The following YIPF6 variants were observed in gnomAD, a reference collection of about 807,000 sequenced individuals.
YIPF6 encodes Yip1 domain family member 6.
A neutral mutation model predicts 16.8 loss-of-function variants in YIPF6; 3 were observed. The observed-to-expected ratio is 0.18, with a 90% CI of 0.08 to 0.46. The LOEUF (loss-of-function observed/expected upper bound fraction) is 0.46. YIPF6 is among the 20% of genes least tolerant of loss of function. YIPF6 has a pLI of 0.98. For missense variants in YIPF6, 145 were observed against 184.9 expected, an observed-to-expected ratio of 0.78 and a Z score of 1.25; for synonymous variants, 67 against 61.9, an observed-to-expected ratio of 1.08 and a Z score of -0.38.
rs1189098979 is a variant in YIPF6, at chrX:68,533,209, T to C, written c.*1210T>C. 1 of 111,886 alleles carries C rather than the reference T, an allele frequency of 8.9e-6. No homozygotes were observed. The highest frequency in any genetic ancestry group is 9.5e-5 in the Admixed American group (1 of 10,500). The allele number at this position is 111,886 out of a possible 1,213,427, so 9.2% of individuals were successfully genotyped here. On this transcript the variant is annotated 3_prime_UTR_variant, in exon 7 of 7. Transcript: ENST00000462683. ...GCTAATTAGCTCCCCTTTAGATAAG[T>C]ACATGTTGCACATGTGCACCTACTT... is the stretch of plus-strand genomic sequence containing the variant.
intron 2 of YIPF6, among the ~76,000 whole-genome samples, chrX:68,512,898 TTATTTCATA>T (rs909958326): frequency 9.1e-6 from 1 of 110,306 alleles, no homozygotes; most frequent in African/African-American, 3.3e-5. Context: ...TGTTAAAAAT[TTATTTCATA>T]TATTGCAAAG....
chrX:68,502,371 A>G (rs751972561), intron 1 of YIPF6, among the ~76,000 whole-genome samples: 174 of 111,742 alleles, frequency 1.6e-3, no homozygotes, highest in African/African-American at 5.3e-3. Context: ...TTAGTGTGCT[A>G]GCAGTCATCT....
At chrX:68,521,660 A>G (rs1472430226) in intron 5 of YIPF6, among the ~76,000 whole-genome samples, 163 bp downstream of exon 5, 2 of 107,351 alleles carry the variant, frequency 1.9e-5, no homozygotes, top group East Asian at 2.9e-4. Flanking sequence ...TGCAGCCTCT[A>G]TCTCCCAGGC....
chrX:68,521,704 C>T (rs113463029), intron 5 of YIPF6, among the ~76,000 whole-genome samples: 32 of 108,908 alleles, frequency 2.9e-4, no homozygotes, highest in African/African-American at 1.1e-3. Context: ...CCTCCTGCCC[C>T]AGCATCCCGA....
intron 1 of YIPF6, among the ~76,000 whole-genome samples, chrX:68,501,404 G>A: frequency 8.9e-6 from 1 of 112,027 alleles, no homozygotes; most frequent in Non-Finnish European, 1.9e-5. Flanking sequence ...CTACATGCCA[G>A]GTATTGTGCT....
intron 4 of YIPF6, among the ~76,000 whole-genome samples, chrX:68,520,131 T>C (rs2079120296): frequency 8.9e-6 from 1 of 112,262 alleles, no homozygotes; most frequent in Admixed American, 9.5e-5. Flanking sequence ...TCTTTGCATC[T>C]GGTTGTCACG....
chrX:68,517,883 C>T (rs1355442848), intron 3 of YIPF6, among the ~76,000 whole-genome samples: 1 of 108,029 alleles, frequency 9.3e-6, no homozygotes, highest in African/African-American at 3.4e-5. Flanking sequence ...GGAGGATCAC[C>T]TGAGCCTGGG....
rs1021883060 is a variant in YIPF6, at chrX:68,534,675, T to C, written c.*2676T>C. 1.8e-5 allele frequency: 2 copies of C among 111,942 alleles called. No homozygotes were observed. The highest frequency in any genetic ancestry group is 6.5e-5 in the African/African-American group (2 of 30,823). The allele number at this position is 111,942 out of a possible 1,213,427, so 9.2% of individuals were successfully genotyped here. ...GATGAATAAATATTTTCTTAATATA[T>C]TCAAAAAAGTGCATTGCTTTCTGTG... On this transcript the variant is annotated 3_prime_UTR_variant, in exon 7 of 7. Transcript: ENST00000462683.
At chrX:68,504,796 G>A (rs773788246) in intron 1 of YIPF6, among the ~76,000 whole-genome samples, 3 of 112,255 alleles carry the variant, frequency 2.7e-5, no homozygotes, top group African/African-American at 6.4e-5. Flanking sequence ...GAGAGGCTAA[G>A]TAACCTGCTC....
At position 68,535,171 on chromosome X, in the gene YIPF6, C is replaced by T. The variant is rs1449695586; in HGVS notation, c.*3172C>T. Reference sequence around the variant, plus strand: ...ATATTTTCATTTTGGTGGGGTTTTCCTGTTGTTGGGCAAGGTGGGGTCACA... The same window carrying T: ...ATATTTTCATTTTGGTGGGGTTTTCTTGTTGTTGGGCAAGGTGGGGTCACA... On this transcript the variant is annotated 3_prime_UTR_variant, in exon 7 of 7. Coordinates refer to ENST00000462683, the MANE Select transcript of YIPF6 (RefSeq NM_173834.4). 2 of 111,950 alleles carry T rather than the reference C, an allele frequency of 1.8e-5. No individual in the cohort carries two copies. Among genetic ancestry groups the T allele is most frequent in the African/African-American group, 6.5e-5 (2 of 30,805 alleles). The allele number at this position is 111,950 out of a possible 1,213,427, so 9.2% of individuals were successfully genotyped here. A position where few individuals can be genotyped will look rare whatever the true frequency, so the allele number is the denominator to read the frequency against.
intron 1 of YIPF6, among the ~76,000 whole-genome samples, chrX:68,503,879 C>T (rs1260724528): frequency 4.5e-5 from 5 of 112,130 alleles, no homozygotes; most frequent in African/African-American, 9.7e-5. Flanking sequence ...CCACCATGCC[C>T]GGCTAACTTT....
At chrX:68,530,147 T>A (rs906857909) in intron 6 of YIPF6, among the ~76,000 whole-genome samples, 1 of 111,832 alleles carries the variant, frequency 8.9e-6, no homozygotes, top group Non-Finnish European at 1.9e-5. Context: ...CTGACTTTCT[T>A]TCAGTGATGC....
In YIPF6 at chrX:68,521,340, T is replaced by C. The variant is rs113630837; in HGVS notation, c.309-32T>C. ...AACTTTGTTGCCCTAAGTAAAAGAT[T>C]AAGCAATTCTTACGCTGTTTCCTTT... On this transcript the variant is annotated intron_variant, in intron 4 of 6. Coordinates refer to ENST00000462683, the MANE Select transcript of YIPF6 (RefSeq NM_173834.4). 36 of 1,196,397 alleles carry C rather than the reference T, an allele frequency of 3.0e-5. 1 individual carries two copies. In the African/African-American group the frequency reaches 3.2e-4, roughly 11 times the overall value.
At chrX:68,521,911 G>T (rs185521594) in intron 5 of YIPF6, among the ~76,000 whole-genome samples, 1 of 110,769 alleles carries the variant, frequency 9.0e-6, no homozygotes, top group East Asian at 2.8e-4. Context: ...TTGTTTTAAA[G>T]AAAAATCAAA....
intron 5 of YIPF6, among the ~76,000 whole-genome samples, 163 bp from the exon 6 acceptor site, chrX:68,522,597 C>T (rs1252393589): frequency 1.8e-5 from 2 of 110,917 alleles, no homozygotes; most frequent in African/African-American, 3.3e-5. Context: ...TGAGCCATCG[C>T]GCCCAGCCAA....
chrX:68,532,590 C>T lies in YIPF6; in HGVS notation c.*591C>T, dbSNP rs1282665166. 1 of 94,429 alleles carries T rather than the reference C, an allele frequency of 1.1e-5. No homozygotes were observed. The highest frequency in any genetic ancestry group is 2.0e-5 in the Non-Finnish European group (1 of 49,172). The allele number at this position is 94,429 out of a possible 1,213,427, so 7.8% of individuals were successfully genotyped here. ...CAGATTTTGATCAGGGGAAATTCTA[C>T]ACTTGTTGCAAAAAAAAAAAAAAAA... On this transcript the variant is annotated 3_prime_UTR_variant, in exon 7 of 7. Transcript: ENST00000462683.
intron 1 of YIPF6, among the ~76,000 whole-genome samples, chrX:68,508,421 A>G (rs138637466): frequency 2.7e-5 from 3 of 111,913 alleles, no homozygotes; most frequent in African/African-American, 9.7e-5. Flanking sequence ...CTTCAGAGCC[A>G]TTATCTTTCT....
intron 5 of YIPF6, among the ~76,000 whole-genome samples, chrX:68,521,756 T>TA (rs200166082): frequency 5.6e-5 from 6 of 107,109 alleles, no homozygotes; most frequent in African/African-American, 2.1e-4. Flanking sequence ...CCTGGCTAAT[T>TA]AAAAAAATTT....
rs2079179496 is a variant in YIPF6, at chrX:68,533,420, A to G, written c.*1421A>G. On this transcript the variant is annotated 3_prime_UTR_variant, in exon 7 of 7. Transcript: ENST00000462683. ...GTCAGGCAGAAAACACTCATTGTAA[A>G]TATACTATTAGTTGATAAACATAGG... The G allele has an allele frequency of 8.9e-6, 1 of 111,942 alleles. No individual in the cohort carries two copies. The allele number at this position is 111,942 out of a possible 1,213,427, so 9.2% of individuals were successfully genotyped here.
Sources: allele counts gnomAD v4.1 joint callset (sites outside exome capture counted in the v4.1 genomes callset), GRCh38; gene constraint gnomAD v4.1.1; transcripts MANE v1.5; gene names NCBI Gene and HGNC (gene_info 2026-07-23, HGNC 2026-07-21).